The following LAMA1 variants were observed in gnomAD, a reference collection of about 807,000 sequenced individuals.
LAMA1 encodes laminin subunit alpha-1.
Under a neutral mutation model 348.7 loss-of-function variants are expected in LAMA1, and 219 were observed. The observed-to-expected ratio is 0.63, with a 90% CI of 0.56 to 0.70. LAMA1 has a LOEUF of 0.70. Ranked by LOEUF, LAMA1 falls within the 30% of genes least tolerant of loss-of-function variation. The probability of loss-of-function intolerance (pLI) is 0.00; values close to 1 mark genes in which losing one functional copy is unlikely to be tolerated. For missense variants in LAMA1, 3,744 were observed against 3,888.0 expected, an observed-to-expected ratio of 0.96 and a Z score of 0.99; for synonymous variants, 1,487 against 1,491.0, an observed-to-expected ratio of 1.00 and a Z score of 0.06.
intron 51 of LAMA1, among the ~76,000 whole-genome samples, chr18:6,963,460 G>C (rs982430165): frequency 1.3e-5 from 2 of 152,194 alleles, no homozygotes; most frequent in Admixed American, 1.3e-4. Context: ...CTAAGATCAG[G>C]AGGCGGCTGT....
chr18:7,079,901 C>T, intron 3 of LAMA1, 74 bp downstream of exon 3: 2 of 1,093,078 alleles, frequency 1.8e-6, no homozygotes, highest in East Asian at 2.4e-5. Flanking sequence ...AGAAGCCAGA[C>T]TTTCCCAAAG....
At chr18:7,023,415 T>C (rs2057927600) in intron 18 of LAMA1, 40 bp from the exon 19 acceptor site, 1 of 1,547,572 alleles carries the variant, frequency 6.5e-7, no homozygotes, top group Non-Finnish European at 8.9e-7. Flanking sequence ...CAAATGCAGT[T>C]ACTTAAGGCC....
intron 39 of LAMA1, among the ~76,000 whole-genome samples, chr18:6,984,930 G>A (rs2057727492): frequency 6.6e-6 from 1 of 152,138 alleles, no homozygotes; most frequent in South Asian, 2.1e-4. Flanking sequence ...CATTCAGTAG[G>A]TGCTTAATAA....
chr18:6,974,781 G>T, intron 46 of LAMA1, 122 bp downstream of exon 46: 2 of 1,281,556 alleles, frequency 1.6e-6, no homozygotes. Flanking sequence ...ACCAAGTATT[G>T]TTTGGTTATA....
chr18:7,093,201 G>C (rs1459211045), intron 1 of LAMA1, among the ~76,000 whole-genome samples: 1 of 152,124 alleles, frequency 6.6e-6, no homozygotes, highest in African/African-American at 2.4e-5. Context: ...CGGATCACGA[G>C]GTCAGGATAT....
chr18:7,005,244 T>C (rs1046444847), intron 29 of LAMA1, among the ~76,000 whole-genome samples: 3 of 152,222 alleles, frequency 2.0e-5, no homozygotes, highest in African/African-American at 7.2e-5. Context: ...CCATCACTTT[T>C]CATGAATAAT....
intron 57 of LAMA1, among the ~76,000 whole-genome samples, chr18:6,952,332 G>T (rs975505368): frequency 6.6e-6 from 1 of 152,200 alleles, no homozygotes; most frequent in Admixed American, 6.5e-5. Flanking sequence ...ACTCTCTCAA[G>T]AGCAGCTGGG....
At chr18:6,968,340 T>C (rs928646982) in intron 48 of LAMA1, among the ~76,000 whole-genome samples, 5 of 152,214 alleles carry the variant, frequency 3.3e-5, no homozygotes, top group African/African-American at 9.7e-5. Context: ...CCTACTAGCA[T>C]GCCCTGCTGC....
intron 21 of LAMA1, among the ~76,000 whole-genome samples, 185 bp from the exon 22 acceptor site, chr18:7,016,043 C>T (rs1160075273): frequency 6.6e-6 from 1 of 152,128 alleles, no homozygotes; most frequent in African/African-American, 2.4e-5. Flanking sequence ...TCAGGAGATG[C>T]TGAGGGAAGC....
At chr18:7,050,958 GTC>G in intron 3 of LAMA1, 22 bp from the exon 4 acceptor site, 1 of 1,613,502 alleles carries the variant, frequency 6.2e-7, no homozygotes, top group South Asian at 1.1e-5. Context: ...ACACTGAAAA[GTC>G]TCAATCCAGA....
At chr18:7,008,863 CA>C (rs2057845532) in intron 27 of LAMA1, among the ~76,000 whole-genome samples, 1 of 152,114 alleles carries the variant, frequency 6.6e-6, no homozygotes. Flanking sequence ...CTGATTTGGC[CA>C]AGACCTAATG....
Position 6,971,732 on chromosome 18 carries a change from C to T in LAMA1, c.6899+125G>A. The T allele has an allele frequency of 2.2e-6, 3 of 1,346,016 alleles. No individual in the cohort carries two copies. The South Asian group carries it at 3.6e-5, about 16-fold the overall frequency. 83.4% of individuals were successfully genotyped at this position (1,346,016 alleles called of 1,614,324 possible). A position where few individuals can be genotyped will look rare whatever the true frequency, so the allele number is the denominator to read the frequency against. On this transcript the variant is annotated intron_variant, in intron 48 of 62. Transcript: ENST00000389658. ...AAAAGCATGGCTTTGTAATTGGCAG[C>T]TAAACACCTACCAGCGATATCACAA...
At chr18:6,979,657 T>C (rs1050217404) in intron 42 of LAMA1, among the ~76,000 whole-genome samples, 6 of 152,116 alleles carry the variant, frequency 3.9e-5, no homozygotes, top group Non-Finnish European at 7.3e-5. Context: ...CCCAACACTT[T>C]GGGAGGCCAA....
At chr18:7,112,946 T>G (rs2143839655) in intron 1 of LAMA1, among the ~76,000 whole-genome samples, 1 of 152,314 alleles carries the variant, frequency 6.6e-6, no homozygotes, top group South Asian at 2.1e-4. Context: ...TTCAAAATAT[T>G]TTTAAAGTTA....
chr18:7,060,424 C>A (rs1415783398), intron 3 of LAMA1, among the ~76,000 whole-genome samples: 1 of 152,180 alleles, frequency 6.6e-6, no homozygotes, highest in Admixed American at 6.5e-5. Context: ...TGTCCAGTAA[C>A]TTTTCTCTTT....
At chr18:7,043,679 G>T (rs1033354183) in intron 7 of LAMA1, among the ~76,000 whole-genome samples, 4 of 152,046 alleles carry the variant, frequency 2.6e-5, no homozygotes, top group Non-Finnish European at 4.4e-5. Context: ...ACACATACAG[G>T]GTTAATCACT....
At chr18:7,106,014 C>T (rs2058310340) in intron 1 of LAMA1, among the ~76,000 whole-genome samples, 1 of 152,222 alleles carries the variant, frequency 6.6e-6, no homozygotes, top group Admixed American at 6.5e-5. Context: ...AGCCACTTCA[C>T]TGATCCAACG....
rs138821699 is a variant in LAMA1 at position 6,966,263 on chromosome 18, C to T, written c.6934G>A (p.Gly2312Arg). 488 of 1,613,736 alleles carry T rather than the reference C, an allele frequency of 3.0e-4. No homozygotes were observed. Among genetic ancestry groups the T allele is most frequent in the Admixed American group, 7.7e-4 (46 of 59,986 alleles). The change falls in exon 49 of 63, where the codon GGG (glycine) becomes AGG (arginine). Residue 2312 changes from glycine (G) to arginine (R), a missense_variant. By Grantham distance (125) the Gly-to-Arg change is moderately radical (BLOSUM62 -2). Around this residue, in one of 3 missense-constraint regions of LAMA1, gnomAD observed 1,983 missense variants for 1,934.3 expected, o/e 1.03. Transcript: ENST00000389658. ...TTCTCCACGACAGAGTACCCACTCC[C>T]GTCAAAATGGAAGGAAGGGTCTTCA... ...QNEDPSFHFD[G>R]SGYSVVEKSL... is the part of the protein sequence containing the mutation.
chr18:7,079,860 T>C (rs540960830), intron 3 of LAMA1, 115 bp downstream of exon 3: 30 of 778,620 alleles, frequency 3.9e-5, no homozygotes, highest in East Asian at 2.6e-4. Context: ...CTGGTGGAAA[T>C]AGTGAGATTA....
Sources: gnomAD v4.1 joint callset for allele counts (sites outside exome capture counted in the v4.1 genomes callset) on GRCh38, gnomAD v4.1.1 for gene constraint, gnomAD v4.1.1 regional missense constraint, MANE v1.5 for transcripts, NCBI Gene and HGNC (gene_info 2026-07-23, HGNC 2026-07-21) for gene names.